RNF150: variants seen among roughly 807,000 people sequenced by gnomAD.
RNF150 encodes the protein ring finger protein 150.
Under a neutral mutation model 39.3 loss-of-function variants are expected in RNF150, and 24 were observed. The observed-to-expected ratio is 0.61, with a 90% confidence interval of 0.44 to 0.86. RNF150 has a LOEUF of 0.86. Among genes scored for constraint, RNF150 ranks in the 40% least tolerant of loss-of-function variants. The pLI, the probability that RNF150 is intolerant of heterozygous loss-of-function variation, is 0.00. For missense variants in RNF150, 502 were observed against 587.8 expected, an observed-to-expected ratio of 0.85 and a Z score of 1.51; for synonymous variants, 255 against 227.3, an observed-to-expected ratio of 1.12 and a Z score of -1.10.
At chr4:140,960,095 C>T (rs1174960998) in intron 2 of RNF150, among the ~76,000 whole-genome samples, 1 of 152,082 alleles carries the variant, frequency 6.6e-6, no homozygotes, top group Admixed American at 6.5e-5. Context: ...TTAACATCGT[C>T]AAATCCAAAT....
chr4:141,038,462 G>A (rs973107883), intron 1 of RNF150, among the ~76,000 whole-genome samples: 6 of 152,148 alleles, frequency 3.9e-5, no homozygotes, highest in Non-Finnish European at 7.4e-5. Context: ...GGCCGACGTG[G>A]GAGGATCACT....
chr4:141,166,384 A>G (rs1256786730), intron 1 of RNF150, among the ~76,000 whole-genome samples: 1 of 152,164 alleles, frequency 6.6e-6, no homozygotes, highest in Non-Finnish European at 1.5e-5. Context: ...AAGAGGAGCT[A>G]GTATCATTCT....
chr4:141,077,570 A>G (rs1220537787), intron 1 of RNF150, among the ~76,000 whole-genome samples: 1 of 152,260 alleles, frequency 6.6e-6, no homozygotes, highest in Non-Finnish European at 1.5e-5. Flanking sequence ...TGCAAATTAA[A>G]AGAGAGAAGG....
intron 1 of RNF150, among the ~76,000 whole-genome samples, chr4:141,082,749 C>T (rs1014045227): frequency 6.6e-6 from 1 of 151,802 alleles, no homozygotes; most frequent in South Asian, 2.1e-4. Context: ...CCACTACGCC[C>T]GGCTAATTTT....
At chr4:141,162,804 A>C (rs1487884252) in intron 1 of RNF150, among the ~76,000 whole-genome samples, 1 of 152,192 alleles carries the variant, frequency 6.6e-6, no homozygotes, top group East Asian at 1.9e-4. Flanking sequence ...TGGTCTTTGC[A>C]ACCCACAAAC....
intron 1 of RNF150, among the ~76,000 whole-genome samples, chr4:141,064,996 G>A (rs963705613): frequency 6.6e-5 from 10 of 152,194 alleles, no homozygotes; most frequent in African/African-American, 2.4e-4. Flanking sequence ...CTCCCAAGTA[G>A]CTGGGATCAC....
rs563527479 is a variant in RNF150, at chr4:140,973,541, A to G, written c.485-5668T>C. ...ATATTTCTTATACCCCTCTCATTTGAAAAAAAAACTGTATTTTGAAATAAT... is the reference window on the plus strand; with the variant it reads ...ATATTTCTTATACCCCTCTCATTTGGAAAAAAAACTGTATTTTGAAATAAT... On this transcript the variant is annotated intron_variant, in intron 1 of 6. Transcript: ENST00000515673. Among the ~76,000 whole-genome samples the G allele has an allele frequency of 7.1e-5, 6 of 85,014 alleles. No individual in the cohort carries two copies. In the East Asian group the frequency reaches 1.4e-3, roughly 20 times the overall value. The allele number at this position is 85,014 out of a possible 152,430, so 55.8% of individuals were successfully genotyped here. A position where few individuals can be genotyped will look rare whatever the true frequency, so the allele number is the denominator to read the frequency against.
At chr4:141,059,490 T>A (rs1403731061) in intron 1 of RNF150, among the ~76,000 whole-genome samples, 3 of 152,186 alleles carry the variant, frequency 2.0e-5, no homozygotes, top group African/African-American at 7.2e-5. Context: ...AATCAGAAGT[T>A]TGATGGTTTT....
chr4:140,887,357 A>G (rs1729613839), intron 6 of RNF150, among the ~76,000 whole-genome samples: 1 of 152,230 alleles, frequency 6.6e-6, no homozygotes, highest in African/African-American at 2.4e-5. Flanking sequence ...GCTACGCAGT[A>G]TGTGCACTAT....
chr4:141,136,978 C>T (rs1727037963), upstream of RNF150, among the ~76,000 whole-genome samples: 1 of 152,128 alleles, frequency 6.6e-6, no homozygotes, highest in Non-Finnish European at 1.5e-5. Context: ...AGGAAAAGTA[C>T]AAGTACAATC....
At chr4:141,080,949 G>T (rs1224677255) in intron 1 of RNF150, among the ~76,000 whole-genome samples, 1 of 152,180 alleles carries the variant, frequency 6.6e-6, no homozygotes, top group Non-Finnish European at 1.5e-5. Flanking sequence ...AACGAGACCT[G>T]CAGGTACGGC....
chr4:140,971,863 T>G (rs1212792119), intron 1 of RNF150, among the ~76,000 whole-genome samples: 2 of 152,154 alleles, frequency 1.3e-5, no homozygotes, highest in African/African-American at 2.4e-5. Context: ...GCTAGACATT[T>G]CACAAAGCCT....
chr4:141,096,190 CTTTT>C (rs780868429), intron 1 of RNF150, among the ~76,000 whole-genome samples: 5,058 of 67,872 alleles, frequency 0.075, 125 homozygotes, highest in Middle Eastern at 0.092. Flanking sequence ...TTTTAGCTTT[CTTTT>C]TTTTTTTTTT....
intron 1 of RNF150, among the ~76,000 whole-genome samples, chr4:141,162,647 T>G (rs1249291798): frequency 6.6e-6 from 1 of 151,730 alleles, no homozygotes; most frequent in African/African-American, 2.4e-5. Flanking sequence ...GGGTGCAGCC[T>G]ATGGAGGACA....
chr4:141,027,921 T>TTTTTTG (rs1735773036), intron 1 of RNF150, among the ~76,000 whole-genome samples: 2 of 59,602 alleles, frequency 3.4e-5, no homozygotes, highest in African/African-American at 1.4e-4. Flanking sequence ...TGTTTTTTTT[T>TTTTTTG]TTTTGTTTTT....
At chr4:141,136,910 A>G (rs1412024300), upstream of RNF150, among the ~76,000 whole-genome samples, 1 of 152,176 alleles carries the variant, frequency 6.6e-6, no homozygotes, top group Non-Finnish European at 1.5e-5. Flanking sequence ...GTGACTTTTG[A>G]ACAGAATATT....
At chr4:141,104,221 T>C (rs1739119797) in intron 1 of RNF150, among the ~76,000 whole-genome samples, 1 of 152,092 alleles carries the variant, frequency 6.6e-6, no homozygotes, top group East Asian at 1.9e-4. Flanking sequence ...TGAAGATGAC[T>C]CCAATGTATT....
rs577076391 is a variant in RNF150 at position 140,909,747 on chromosome 4, A to G, written c.1198+1397T>C. The stretch of plus-strand genomic sequence containing the variant: ...CTTCAAAACAAAGGGGTCAAAATCC[A>G]TCTTTAATGGCTTTTAAATGCCTAA... On this transcript the variant is annotated intron_variant, in intron 6 of 6. Coordinates refer to ENST00000515673, the MANE Select transcript of RNF150 (RefSeq NM_020724.2). Among the ~76,000 whole-genome samples the G allele has an allele frequency of 9.8e-5, 15 of 152,308 alleles. No homozygotes were observed. The Middle Eastern group carries it at 0.014, about 138-fold the overall frequency.
At chr4:140,963,467 GTTTAT>G (rs1319307382) in intron 2 of RNF150, among the ~76,000 whole-genome samples, 2 of 152,000 alleles carry the variant, frequency 1.3e-5, no homozygotes, top group Non-Finnish European at 2.9e-5. Context: ...GAATTTTGAA[GTTTAT>G]TTTATTACAA....
Sources: allele counts gnomAD v4.1 joint callset (sites outside exome capture counted in the v4.1 genomes callset), GRCh38; gene constraint gnomAD v4.1.1; transcripts MANE v1.5; gene names NCBI Gene and HGNC (gene_info 2026-07-23, HGNC 2026-07-21).